Variants in RIN3 observed in about 807,000 individuals in gnomAD.
The protein encoded by RIN3 is RAB5 interacting protein 3.
RIN3 carries 54 observed loss-of-function variants against 76.3 expected under a neutral mutation model. The ratio of observed to expected loss-of-function variants is 0.71; its 90% CI spans 0.57 to 0.89. RIN3 has a LOEUF of 0.89. Ranked by LOEUF, RIN3 falls within the 40% of genes least tolerant of loss-of-function variation. The pLI is 0.00. For missense variants in RIN3, 1,256 were observed against 1,322.1 expected, an observed-to-expected ratio of 0.95 and a Z score of 0.78; for synonymous variants, 576 against 564.0, an observed-to-expected ratio of 1.02 and a Z score of -0.30.
chr14:92,664,461 G>A lies in RIN3; in HGVS notation c.2335+4992G>A, dbSNP rs143182300. ...CGGCTCACTGCAAACTCCGCCTCCC[G>A]GGTTCACGCCATTCTCCTGCCCCAG... is the stretch of plus-strand genomic sequence containing the variant. On this transcript the variant is annotated intron_variant, in intron 7 of 9. Transcript: ENST00000216487. 5.8e-3 allele frequency among the ~76,000 whole-genome samples: 792 copies of A among 137,588 alleles called. 10 individuals carry two copies. Among genetic ancestry groups the A allele is most frequent in the African/African-American group, 0.018 (685 of 37,510 alleles). The allele number at this position is 137,588 out of a possible 152,430, so 90.3% of individuals were successfully genotyped here.
chr14:92,561,020 TAAAAAA>T (rs1324990452), intron 2 of RIN3, among the ~76,000 whole-genome samples: 9 of 23,632 alleles, frequency 3.8e-4, no homozygotes, highest in Admixed American at 6.1e-4. Flanking sequence ...AAACTCTGTC[TAAAAAA>T]AAAAAAAAAA....
At chr14:92,642,149 G>A (rs1947720720) in intron 5 of RIN3, among the ~76,000 whole-genome samples, 1 of 151,720 alleles carries the variant, frequency 6.6e-6, no homozygotes, top group South Asian at 2.1e-4. Context: ...TGTTGCCCAG[G>A]TTGGAGTGCA....
rs1896358059 is a variant in RIN3, at chr14:92,513,854, T to G, written c.-79T>G. Reference sequence around the variant, plus strand: ...TTCCAGAGGGCCAGAGCCAGGGACATGCGGGCGCCCGGGACTCCGCGTTCC... The same window carrying G: ...TTCCAGAGGGCCAGAGCCAGGGACAGGCGGGCGCCCGGGACTCCGCGTTCC... On this transcript the variant is annotated 5_prime_UTR_variant, in exon 1 of 10. It removes an upstream start codon present in the reference 5' UTR. Coordinates refer to ENST00000216487, the MANE Select transcript of RIN3 (RefSeq NM_024832.5). 3.8e-6 allele frequency: 4 copies of G among 1,058,000 alleles called. No homozygotes were observed. The East Asian group carries it at 1.4e-4, about 38-fold the overall frequency. 65.5% of individuals were successfully genotyped at this position (1,058,000 alleles called of 1,614,324 possible).
chr14:92,547,085 A>G lies in RIN3; in HGVS notation c.45-8666A>G, dbSNP rs1344481476. On this transcript the variant is annotated intron_variant, in intron 1 of 9. Transcript: ENST00000216487. Reference sequence around the variant, plus strand: ...ATTATATTTTATTTTATATTATATTATATTATATTATAATTAAATAAATTA... The same window carrying G: ...ATTATATTTTATTTTATATTATATTGTATTATATTATAATTAAATAAATTA... 3.4e-4 allele frequency among the ~76,000 whole-genome samples: 23 copies of G among 68,438 alleles called. 5 individuals carry two copies. Among genetic ancestry groups the G allele is most frequent in the African/African-American group, 1.0e-3 (22 of 21,526 alleles). 44.9% of individuals were successfully genotyped at this position (68,438 alleles called of 152,430 possible). A position where few individuals can be genotyped will look rare whatever the true frequency, so the allele number is the denominator to read the frequency against.
chr14:92,631,368 G>C (rs1319920577), intron 4 of RIN3, among the ~76,000 whole-genome samples: 1 of 152,206 alleles, frequency 6.6e-6, no homozygotes, highest in Non-Finnish European at 1.5e-5. Context: ...AGCACATTCT[G>C]TGCTCTGTCT....
intron 4 of RIN3, among the ~76,000 whole-genome samples, chr14:92,639,589 C>T (rs1286024969): frequency 1.3e-5 from 2 of 152,208 alleles, no homozygotes; most frequent in Non-Finnish European, 2.9e-5. Context: ...CTGGCAGTGC[C>T]ACATTCCCCT....
intron 2 of RIN3, among the ~76,000 whole-genome samples, chr14:92,563,248 C>A (rs1435358920): frequency 6.6e-6 from 1 of 152,094 alleles, no homozygotes; most frequent in African/African-American, 2.4e-5. Flanking sequence ...GTAATCCCAG[C>A]TACTTGGGAG....
At chr14:92,678,846 A>C (rs11629428) in intron 8 of RIN3, among the ~76,000 whole-genome samples, 43,537 of 152,114 alleles carry the variant, frequency 0.29, 7,086 homozygotes, top group Non-Finnish European at 0.36. Flanking sequence ...CCTCATCAGG[A>C]CTTTGTGGGC....
chr14:92,607,495 G>A (rs1211704430), intron 3 of RIN3, among the ~76,000 whole-genome samples: 2 of 152,144 alleles, frequency 1.3e-5, no homozygotes, highest in Admixed American at 6.5e-5. Flanking sequence ...GCATGCCTGT[G>A]GTTCCAGGTA....
chr14:92,567,647 A>C (rs1370200478), intron 2 of RIN3, among the ~76,000 whole-genome samples: 3 of 136,158 alleles, frequency 2.2e-5, no homozygotes, highest in Non-Finnish European at 3.1e-5. Flanking sequence ...TTTTTTGGTC[A>C]ATGCCAGTGC....
chr14:92,538,581 T>A (rs1370356847), intron 1 of RIN3, among the ~76,000 whole-genome samples: 1 of 152,166 alleles, frequency 6.6e-6, no homozygotes, highest in Non-Finnish European at 1.5e-5. Flanking sequence ...GCAGTGAACA[T>A]CTTTGTCTGT....
chr14:92,537,654 TTTTTTTTG>T (rs1897032483), intron 1 of RIN3, among the ~76,000 whole-genome samples: 2 of 130,152 alleles, frequency 1.5e-5, no homozygotes, highest in African/African-American at 2.9e-5. Flanking sequence ...TTTTTTTTTT[TTTTTTTTG>T]GAGACAGAGT....
chr14:92,660,879 A>T (rs1254878789), intron 7 of RIN3, among the ~76,000 whole-genome samples: 3 of 152,224 alleles, frequency 2.0e-5, no homozygotes, highest in African/African-American at 4.8e-5. Flanking sequence ...GGCAGGATTC[A>T]TCCCTTCAGC....
chr14:92,684,240 C>T lies in RIN3; in HGVS notation c.2468-747C>T, dbSNP rs532715838. Reference sequence around the variant, plus strand: ...ACTGAAAATACAAAAATTAGCCAGGCGTGGTGGCATGCGCCTCTAATCCCA... The same window carrying T: ...ACTGAAAATACAAAAATTAGCCAGGTGTGGTGGCATGCGCCTCTAATCCCA... On this transcript the variant is annotated intron_variant, in intron 8 of 9. Transcript: ENST00000216487. Among the ~76,000 whole-genome samples the T allele has an allele frequency of 5.3e-5, 8 of 152,140 alleles. No individual in the cohort carries two copies. The South Asian group carries it at 1.7e-3, about 32-fold the overall frequency.
intron 7 of RIN3, among the ~76,000 whole-genome samples, chr14:92,665,263 T>C (rs1311029978): frequency 6.6e-6 from 1 of 151,958 alleles, no homozygotes; most frequent in Non-Finnish European, 1.5e-5. Context: ...AAAGGTGCAG[T>C]AAAAGTCTGG....
chr14:92,526,692 G>A (rs905073136), intron 1 of RIN3, among the ~76,000 whole-genome samples: 2 of 152,236 alleles, frequency 1.3e-5, no homozygotes, highest in African/African-American at 4.8e-5. Context: ...GGCAGAGGTT[G>A]CAGTGAGCCA....
In RIN3 at chr14:92,688,215, CG is replaced by C; in HGVS notation, c.2922del (p.Cys976AlafsTer48). The C allele has an allele frequency of 6.2e-7, 1 of 1,602,694 alleles. No individual in the cohort carries two copies. Among genetic ancestry groups the C allele is most frequent in the Non-Finnish European group, 8.5e-7 (1 of 1,176,378 alleles). On this transcript the variant is annotated frameshift_variant, in exon 10 of 10. Coordinates refer to ENST00000216487, the MANE Select transcript of RIN3 (RefSeq NM_024832.5). LOFTEE classifies it high-confidence loss of function. Reference protein sequence around the residue: ...DGGGGGGGGSPPCLVVREPNF... With the variant: ...DGGGGGGGGSXPCLVVREPNF... ...GGTGGCGGCGGCGGCGGCGGGAGCC[CG>C]CCCTGCCTGGTGGTGCGGGAGCCCA...
intron 3 of RIN3, among the ~76,000 whole-genome samples, chr14:92,613,264 C>T (rs1284454935): frequency 1.3e-5 from 2 of 152,162 alleles, no homozygotes; most frequent in Non-Finnish European, 2.9e-5. Flanking sequence ...AAGGAGTCGG[C>T]AATGCACCAG....
chr14:92,682,963 C>T (rs1455655502), intron 8 of RIN3, among the ~76,000 whole-genome samples: 6 of 152,030 alleles, frequency 3.9e-5, no homozygotes, highest in East Asian at 1.9e-4. Context: ...CTCAGGAGTT[C>T]GAGACCAGCC....
Sources: gnomAD v4.1 joint callset for allele counts (sites outside exome capture counted in the v4.1 genomes callset) on GRCh38, gnomAD v4.1.1 for gene constraint, MANE v1.5 for transcripts, NCBI Gene and HGNC (gene_info 2026-07-23, HGNC 2026-07-21) for gene names.